The following PLXND1 variants were observed in gnomAD, a reference collection of about 807,000 sequenced individuals.
The protein encoded by PLXND1 is plexin D1, also known as plexin-D1.
In PLXND1, 54 loss-of-function variants were observed where a neutral mutation model predicts 197.7. The observed-to-expected ratio is 0.27, with a 90% CI of 0.22 to 0.34. The LOEUF (loss-of-function observed/expected upper bound fraction) is 0.34. Among genes scored for constraint, PLXND1 ranks in the 10% least tolerant of loss-of-function variants. The pLI is 1.00. For synonymous variants in PLXND1, 1,180 were observed against 1,161.2 expected (o/e 1.02, Z -0.33); for missense variants, 2,127 against 2,699.2 (o/e 0.79, Z 4.70).
At chr3:129,561,025 G>C (rs988863757) in intron 29 of PLXND1, 3 of 536,326 alleles carry the variant, frequency 5.6e-6, no homozygotes, top group African/African-American at 3.8e-5. Context: ...GAGAGAGAAA[G>C]ACACACACAC....
At position 129,606,310 on chromosome 3, in the gene PLXND1, C is replaced by A. The variant is rs1319508123; in HGVS notation, c.330G>T (p.Pro110=). Residue 110 remains proline (P), a synonymous_variant, in exon 1 of 36, where the codon CCG becomes CCT. Transcript: ENST00000324093. The part of the protein sequence containing the change: ...DSPLCHAPQL[P]QASCEHPRRL... ...GCCGCGGGTGCTCGCACGAGGCCTG[C>A]GGCAGCTGCGGAGCGTGACACAGCG... 4.0e-6 allele frequency: 6 copies of A among 1,513,752 alleles called. No individual in the cohort carries two copies. The highest frequency in any genetic ancestry group is 1.8e-4 in the Middle Eastern group (1 of 5,466). The allele number at this position is 1,513,752 out of a possible 1,614,324, so 93.8% of individuals were successfully genotyped here. A position where few individuals can be genotyped will look rare whatever the true frequency, so the allele number is the denominator to read the frequency against.
chr3:129,562,107 G>C (rs1381321032), intron 27 of PLXND1, among the ~76,000 whole-genome samples: 1 of 152,162 alleles, frequency 6.6e-6, no homozygotes, highest in East Asian at 1.9e-4. Context: ...GGTACAAAGA[G>C]AAGGTGCCAG....
rs775805093 is a variant in PLXND1 at position 129,557,168 on chromosome 3, A to G, written c.5501T>C (p.Ile1834Thr). The G allele has an allele frequency of 1.9e-6, 3 of 1,614,092 alleles. No individual in the cohort carries two copies. In the Admixed American group the frequency reaches 5.0e-5, roughly 27 times the overall value. Residue 1834 changes from isoleucine to threonine, a missense_variant, in exon 34 of 36, where the codon ATC becomes ACC. This residue lies in a region of PLXND1 where 200 missense variants were observed against 303.3 expected (regional missense o/e 0.66). Coordinates refer to ENST00000324093, the MANE Select transcript of PLXND1 (RefSeq NM_015103.3). This position sits in a 1 kb window ranked among gnomAD's most constrained non-coding sequence, Gnocchi z 4.8. Reference protein sequence around the residue: ...YAKEIPEYRKIVQRYYKQIQD... With the variant: ...YAKEIPEYRKTVQRYYKQIQD... ...GATCTGCTTGTAGTAGCGCTGCACG[A>G]TCTTCCGGTACTCAGGAATCTCCTT...
Position 129,606,387 on chromosome 3 carries a change from C to A in PLXND1, c.253G>T (p.Ala85Ser), listed in dbSNP as rs2085794656. 2 of 1,510,116 alleles carry A rather than the reference C, an allele frequency of 1.3e-6. No individual in the cohort carries two copies. Among genetic ancestry groups the A allele is most frequent in the South Asian group, 1.3e-5 (1 of 79,354 alleles). 93.5% of individuals were successfully genotyped at this position (1,510,116 alleles called of 1,614,324 possible). The change falls in exon 1 of 36, where the codon GCC (alanine) becomes TCC (serine). Residue 85 changes from alanine to serine, a missense_variant. By Grantham distance (99) the Ala-to-Ser change is moderately conservative. Around this residue, in one of 6 missense-constraint regions of PLXND1, gnomAD observed 245 missense variants for 267.1 expected, o/e 0.92. Transcript: ENST00000324093. ...GCCTCGGCCTCCAGGCTCAGGTTGG[C>A]GCCCGACAGCTGATAGAGGCGGTTG... Reference protein sequence around the residue: ...AVNRLYQLSGANLSLEAEAAV... With the variant: ...AVNRLYQLSGSNLSLEAEAAV...
intron 9 of PLXND1, among the ~76,000 whole-genome samples, chr3:129,576,124 T>C (rs891611285): frequency 6.6e-6 from 1 of 152,206 alleles, no homozygotes; most frequent in Non-Finnish European, 1.5e-5. Context: ...TCCCCAGTGA[T>C]CTAACCCAGG....
At chr3:129,586,396 G>C in intron 3 of PLXND1, 124 bp from the exon 4 acceptor site, 2 of 1,017,934 alleles carry the variant, frequency 2.0e-6, no homozygotes, top group Non-Finnish European at 1.4e-6. Flanking sequence ...CTCTAATGGG[G>C]GAACATGGGA....
At chr3:129,589,609 C>T in intron 1 of PLXND1, 82 bp from the exon 2 acceptor site, 1 of 1,232,558 alleles carries the variant, frequency 8.1e-7, no homozygotes, top group Non-Finnish European at 1.1e-6. Flanking sequence ...GGATCTCAGG[C>T]CCTGGCATCA....
rs2085342041 is a variant in PLXND1, at chr3:129,578,342, G to A, written c.2333C>T (p.Thr778Ile). The change falls in exon 9 of 36, where the codon ACT (threonine) becomes ATT (isoleucine). Residue 778 changes from threonine (T) to isoleucine (I), a missense_variant. By Grantham distance (89) the Thr-to-Ile change is moderately conservative. This residue lies in a region of PLXND1 where 1,095 missense variants were observed against 1,259.8 expected (regional missense o/e 0.87). Transcript: ENST00000324093. The stretch of plus-strand genomic sequence containing the variant: ...GCTTCTACTTACCTGGAAAAAGGCA[G>A]TGTTGGCCAGAGGCACCAGGATGTT... Reference protein sequence around the residue: ...SQNILVPLANTAFFQGAALEC... With the variant: ...SQNILVPLANIAFFQGAALEC... 6.2e-7 allele frequency: 1 copy of A among 1,602,692 alleles called. No homozygotes were observed. The highest frequency in any genetic ancestry group is 8.5e-7 in the Non-Finnish European group (1 of 1,174,722).
Position 129,570,722 on chromosome 3 carries a change from A to G in PLXND1, c.3750+64T>C, listed in dbSNP as rs953655862. On this transcript the variant is annotated intron_variant, in intron 19 of 35. Transcript: ENST00000324093. ...AATTCAGGTGCTGGGTGAGGGGCAG[A>G]TGCTTGGCAGATGGGCCAGGGGTGG... The G allele has an allele frequency of 6.7e-5, 103 of 1,527,314 alleles. No homozygotes were observed. In the East Asian group the frequency reaches 2.2e-3, roughly 33 times the overall value. The allele number at this position is 1,527,314 out of a possible 1,614,324, so 94.6% of individuals were successfully genotyped here.
At chr3:129,587,710 G>C (rs1018989704) in intron 2 of PLXND1, among the ~76,000 whole-genome samples, 1 of 152,150 alleles carries the variant, frequency 6.6e-6, no homozygotes, top group South Asian at 2.1e-4. Context: ...GATCTAACCC[G>C]GACAACCCCA....
chr3:129,572,785 G>A, intron 14 of PLXND1, 37 bp from the exon 15 acceptor site: 1 of 1,607,624 alleles, frequency 6.2e-7, no homozygotes, highest in Non-Finnish European at 8.5e-7. Context: ...CCTCGGGCCA[G>A]CCCCCGGGAG....
chr3:129,583,260 C>T (rs2085410372), intron 8 of PLXND1, among the ~76,000 whole-genome samples: 1 of 152,162 alleles, frequency 6.6e-6, no homozygotes, highest in African/African-American at 2.4e-5. Flanking sequence ...GGCAGCTGAG[C>T]TCAAGGTGTA....
Position 129,586,651 on chromosome 3 carries a change from C to T in PLXND1, c.1557G>A (p.Val519=). 4 of 1,583,922 alleles carry T rather than the reference C, an allele frequency of 2.5e-6. No homozygotes were observed. Among genetic ancestry groups the T allele is most frequent in the Non-Finnish European group, 3.4e-6 (4 of 1,164,466 alleles). ...RVVTVAYGEP[V]HHVMQFDPAD... is the part of the protein sequence containing the mutation. ...CTGGGTCAAACTGCATGACATGGTG[C>T]ACGGGCTCCCCATAGGCCACAGTCA... Residue 519 remains valine, a synonymous_variant, in exon 3 of 36, where the codon GTG becomes GTA. Transcript: ENST00000324093.
chr3:129,555,648 G>T lies in PLXND1; in HGVS notation c.*664C>A. The T allele has an allele frequency of 3.7e-6, 2 of 546,696 alleles. 1 individual carries two copies. Among genetic ancestry groups the T allele is most frequent in the South Asian group, 4.8e-5 (2 of 41,590 alleles). The allele number at this position is 546,696 out of a possible 1,614,324, so 33.9% of individuals were successfully genotyped here. A position where few individuals can be genotyped will look rare whatever the true frequency, so the allele number is the denominator to read the frequency against. On this transcript the variant is annotated 3_prime_UTR_variant, in exon 36 of 36. Coordinates refer to ENST00000324093, the MANE Select transcript of PLXND1 (RefSeq NM_015103.3). The stretch of plus-strand genomic sequence containing the variant: ...TAACCCCTCTCCTTTTCCTGGAGAC[G>T]GGGCTCCCAGCTCCTGTGCCCCCCA...
At chr3:129,569,055 A>AT (rs1351953030) in intron 20 of PLXND1, 7 of 152,226 alleles carry the variant, frequency 4.6e-5, no homozygotes, top group African/African-American at 1.7e-4. Flanking sequence ...ATCATACAAT[A>AT]TGCCTTTGGT....
Position 129,558,566 on chromosome 3 carries a change from G to C in PLXND1, c.5307C>G (p.Leu1769=), listed in dbSNP as rs748697406. 1 of 1,613,982 alleles carries C rather than the reference G, an allele frequency of 6.2e-7. No homozygotes were observed. The highest frequency in any genetic ancestry group is 1.7e-5 in the Admixed American group (1 of 60,022). ...LHIWKTNSLP[L]RFWVNILKNP... ...TCTTCAGGATGTTCACCCAGAACCG[G>C]AGAGGAAGGCTGTGGGGTAGGGTGA... Residue 1769 remains leucine (L), a synonymous_variant, in exon 33 of 36, where the codon CTC becomes CTG. Transcript: ENST00000324093. The surrounding 1 kb of genome is among the most constrained non-coding windows in gnomAD (Gnocchi z 4.1).
chr3:129,564,244 A>G (rs956209137), intron 25 of PLXND1, among the ~76,000 whole-genome samples: 2 of 152,354 alleles, frequency 1.3e-5, no homozygotes, highest in African/African-American at 4.8e-5. Flanking sequence ...CTCAAGCCCC[A>G]GGCTCAGGGG....
At position 129,589,519 on chromosome 3, in the gene PLXND1, T is replaced by C; in HGVS notation, c.1320A>G (p.Pro440=). The change falls in exon 2 of 36, where the codon CCA becomes CCG. Residue 440 remains proline, a synonymous_variant. Coordinates refer to ENST00000324093, the MANE Select transcript of PLXND1 (RefSeq NM_015103.3). Reference sequence around the variant, plus strand: ...GAGCAGCTCCACAGTCCAGCTGCTCTGGCTGGAGCTGGAAGAGGAACGGCA... The same window carrying C: ...GAGCAGCTCCACAGTCCAGCTGCTCCGGCTGGAGCTGGAAGAGGAACGGCA... ...CERKLNIQLQ[P]EQLDCGAAHL... is the part of the protein sequence containing the mutation. 1 of 1,581,698 alleles carries C rather than the reference T, an allele frequency of 6.3e-7. No individual in the cohort carries two copies.
chr3:129,583,801 AG>A, intron 7 of PLXND1, 132 bp from the exon 8 acceptor site: 1 of 649,480 alleles, frequency 1.5e-6, no homozygotes, highest in Non-Finnish European at 2.7e-6. Flanking sequence ...TGCCTGGGAA[AG>A]ATTGGGTCTT....
Sources: gnomAD v4.1 joint callset for allele counts (sites outside exome capture counted in the v4.1 genomes callset) on GRCh38, gnomAD v4.1.1 for gene constraint, gnomAD v4.1.1 regional missense constraint, Gnocchi (gnomAD v3.1) non-coding constraint, MANE v1.5 for transcripts, NCBI Gene and HGNC (gene_info 2026-07-23, HGNC 2026-07-21) for gene names.